ASTN2: variants seen among roughly 807,000 people sequenced by gnomAD.
ASTN2 encodes the protein astrotactin-2.
In ASTN2, 54 loss-of-function variants were observed where a neutral mutation model predicts 139.8. The observed-to-expected ratio is 0.39, with a 90% confidence interval of 0.31 to 0.48. ASTN2 has a LOEUF of 0.48. ASTN2 is among the 20% of genes least tolerant of loss of function. The pLI, the probability that ASTN2 is intolerant of heterozygous loss-of-function variation, is 0.95. For missense variants in ASTN2, 1,565 were observed against 1,725.1 expected, an observed-to-expected ratio of 0.91 and a Z score of 1.64; for synonymous variants, 756 against 719.5, an observed-to-expected ratio of 1.05 and a Z score of -0.81.
chr9:117,101,297 T>C (rs1161691541), intron 4 of ASTN2, among the ~76,000 whole-genome samples: 1 of 152,170 alleles, frequency 6.6e-6, no homozygotes, highest in African/African-American at 2.4e-5. Flanking sequence ...GTGATTCAGA[T>C]GGCTAGAAAA....
At chr9:117,222,148 A>G (rs1832543383) in intron 2 of ASTN2, among the ~76,000 whole-genome samples, 1 of 151,870 alleles carries the variant, frequency 6.6e-6, no homozygotes, top group Non-Finnish European at 1.5e-5. Context: ...AATCCATCTT[A>G]CTTACCGTAA....
intron 22 of ASTN2, among the ~76,000 whole-genome samples, chr9:116,433,260 A>T (rs1379289253): frequency 2.0e-5 from 3 of 152,246 alleles, no homozygotes; most frequent in Non-Finnish European, 4.4e-5. Context: ...AAAAAATAAA[A>T]CATTTACATA....
At chr9:116,621,720 C>T (rs1025360946) in intron 17 of ASTN2, among the ~76,000 whole-genome samples, 1 of 152,162 alleles carries the variant, frequency 6.6e-6, no homozygotes, top group Admixed American at 6.5e-5. Flanking sequence ...GGACCTAGCA[C>T]AGTTATTCAG....
At chr9:117,153,508 T>G in intron 3 of ASTN2, among the ~76,000 whole-genome samples, 1 of 152,174 alleles carries the variant, frequency 6.6e-6, no homozygotes. Context: ...ATACATATCA[T>G]TATCTCTATC....
At chr9:116,561,635 A>T (rs968916962) in intron 19 of ASTN2, among the ~76,000 whole-genome samples, 5 of 152,226 alleles carry the variant, frequency 3.3e-5, no homozygotes, top group African/African-American at 1.2e-4. Context: ...CTCCTTGTCA[A>T]AATCTAAAGG....
At chr9:117,342,457 G>A (rs531675124) in intron 1 of ASTN2, among the ~76,000 whole-genome samples, 3 of 152,274 alleles carry the variant, frequency 2.0e-5, no homozygotes, top group East Asian at 1.9e-4. Flanking sequence ...GCAGTGAATC[G>A]GAGTTTCCCA....
intron 13 of ASTN2, among the ~76,000 whole-genome samples, chr9:116,779,765 A>G (rs988673440): frequency 1.1e-4 from 17 of 152,132 alleles, no homozygotes; most frequent in Non-Finnish European, 2.4e-4. Context: ...CATGGCCAAT[A>G]TCAGGTCAAG....
intron 3 of ASTN2, among the ~76,000 whole-genome samples, chr9:117,161,439 G>A (rs539866320): frequency 6.6e-6 from 1 of 151,950 alleles, no homozygotes; most frequent in East Asian, 1.9e-4. Context: ...TGTCACCCAG[G>A]CTAGAGTGCA....
chr9:117,165,659 C>T (rs997664766), intron 3 of ASTN2, among the ~76,000 whole-genome samples: 2 of 152,096 alleles, frequency 1.3e-5, no homozygotes, highest in African/African-American at 4.8e-5. Flanking sequence ...AAACCCTTAG[C>T]CCAGCACCCA....
intron 5 of ASTN2, among the ~76,000 whole-genome samples, chr9:117,071,519 T>G (rs1459813093): frequency 6.7e-6 from 1 of 150,156 alleles, no homozygotes; most frequent in Admixed American, 6.6e-5. Flanking sequence ...CAGGCCTCCT[T>G]GAGCTGTGGT....
intron 3 of ASTN2, among the ~76,000 whole-genome samples, chr9:117,151,532 G>C (rs541279674): frequency 6.6e-6 from 1 of 152,228 alleles, no homozygotes; most frequent in South Asian, 2.1e-4. Context: ...TGAAAACAGA[G>C]TGTGCTAAAT....
intron 19 of ASTN2, among the ~76,000 whole-genome samples, chr9:116,560,296 A>G (rs532721519): frequency 6.1e-4 from 93 of 152,348 alleles, no homozygotes; most frequent in African/African-American, 2.1e-3. Flanking sequence ...CACTCATTCC[A>G]TAAGCCTTCA....
At chr9:116,500,286 C>T (rs995563424) in intron 19 of ASTN2, among the ~76,000 whole-genome samples, 7 of 152,150 alleles carry the variant, frequency 4.6e-5, no homozygotes, top group Non-Finnish European at 7.3e-5. Context: ...TTCACAAGTG[C>T]ATGATGAGGT....
intron 1 of ASTN2, among the ~76,000 whole-genome samples, chr9:117,413,850 C>T (rs570271645): frequency 6.6e-6 from 1 of 151,766 alleles, no homozygotes; most frequent in Non-Finnish European, 1.5e-5. Context: ...AACGTGGAGA[C>T]CTCGGAGTCG....
intron 3 of ASTN2, among the ~76,000 whole-genome samples, chr9:117,200,156 G>A (rs1831656513): frequency 6.6e-6 from 1 of 151,642 alleles, no homozygotes. Context: ...ATGTATACAT[G>A]TGCCATGTTG....
intron 16 of ASTN2, among the ~76,000 whole-genome samples, chr9:116,653,330 A>G (rs959474460): frequency 2.0e-5 from 3 of 152,214 alleles, no homozygotes; most frequent in East Asian, 1.9e-4. Context: ...CAGGGCTCTA[A>G]ACTCTCATCT....
intron 2 of ASTN2, among the ~76,000 whole-genome samples, chr9:117,243,457 C>T (rs1367074284): frequency 6.6e-6 from 1 of 152,186 alleles, no homozygotes; most frequent in Non-Finnish European, 1.5e-5. Context: ...ATATAATATT[C>T]ATGTTTACAA....
chr9:116,990,025 C>T (rs1836806075), intron 7 of ASTN2, among the ~76,000 whole-genome samples: 1 of 152,096 alleles, frequency 6.6e-6, no homozygotes, highest in Admixed American at 6.6e-5. Flanking sequence ...CTCTATGTCT[C>T]CTTTTCTTTT....
chr9:116,787,003 G>A (rs988528527), intron 13 of ASTN2, among the ~76,000 whole-genome samples: 32 of 152,162 alleles, frequency 2.1e-4, no homozygotes, highest in African/African-American at 6.0e-4. Flanking sequence ...CTGTGAAGAC[G>A]TAGCTTCCGC....
Sources: allele counts gnomAD v4.1 joint callset (sites outside exome capture counted in the v4.1 genomes callset), GRCh38; gene constraint gnomAD v4.1.1; transcripts MANE v1.5; gene names NCBI Gene and HGNC (gene_info 2026-07-23, HGNC 2026-07-21).